The following EFS variants were observed in gnomAD, a reference collection of about 807,000 sequenced individuals.
The protein encoded by EFS is embryonal Fyn-associated substrate.
EFS carries 34 observed loss-of-function variants against 42.2 expected under a neutral mutation model. That is an observed-to-expected ratio of 0.81 (90% CI 0.61 to 1.07). The LOEUF is 1.07. EFS is among the 50% of genes least tolerant of loss of function. The pLI is 0.00. For missense variants in EFS, 717 were observed against 729.4 expected (o/e 0.98, Z 0.20); for synonymous variants, 299 against 320.7 (o/e 0.93, Z 0.72).
intron 1 of EFS, 135 bp from the exon 2 acceptor site, chr14:23,360,968 TG>T: frequency 1.1e-6 from 1 of 930,398 alleles, no homozygotes. Flanking sequence ...GCTTTCTGCC[TG>T]GGCCCTAGCT....
In EFS at chr14:23,365,160, G is replaced by T; in HGVS notation, c.-135C>A. The T allele has an allele frequency of 1.3e-6, 1 of 795,454 alleles. No individual in the cohort carries two copies. The allele number at this position is 795,454 out of a possible 1,614,324, so 49.3% of individuals were successfully genotyped here. A position where few individuals can be genotyped will look rare whatever the true frequency, so the allele number is the denominator to read the frequency against. On this transcript the variant is annotated 5_prime_UTR_variant, in exon 1 of 6. Transcript: ENST00000216733. This position sits in a 1 kb window ranked among gnomAD's most constrained non-coding sequence, Gnocchi z 5.3. ...TGAGTCGTGGCCTCCGCCAAGGTTG[G>T]AGGAGGAGAAAGAAAACCCACAAAA...
At position 23,365,051 on chromosome 14, in the gene EFS, C is replaced by G; in HGVS notation, c.-26G>C. Reference sequence around the variant, plus strand: ...GGCTTTGGCCTCCCGCGCAGCCTGCCTCAGGCCAGGCTCGGTTTTGCTGAC... The same window carrying G: ...GGCTTTGGCCTCCCGCGCAGCCTGCGTCAGGCCAGGCTCGGTTTTGCTGAC... On this transcript the variant is annotated 5_prime_UTR_variant, in exon 1 of 6. Transcript: ENST00000216733. The surrounding 1 kb of genome is among the most constrained non-coding windows in gnomAD (Gnocchi z 5.3). The G allele has an allele frequency of 7.6e-7, 1 of 1,311,996 alleles. No individual in the cohort carries two copies. The allele number at this position is 1,311,996 out of a possible 1,614,324, so 81.3% of individuals were successfully genotyped here.
intron 5 of EFS, among the ~76,000 whole-genome samples, chr14:23,358,361 G>T (rs1361180970): frequency 1.3e-5 from 2 of 152,260 alleles, no homozygotes; most frequent in Admixed American, 6.5e-5. Flanking sequence ...CACGTGCAGT[G>T]TGCCTAGCAC....
intron 5 of EFS, 86 bp from the exon 6 acceptor site, chr14:23,357,746 C>T (rs975813075): frequency 1.6e-6 from 2 of 1,212,536 alleles, no homozygotes; most frequent in Admixed American, 3.0e-5. Context: ...TCTCTTTCTT[C>T]CCAAGGGCGA....
In EFS at chr14:23,359,740, C is replaced by A. The variant is rs1260752178; in HGVS notation, c.738G>T (p.Gly246=). Residue 246 remains glycine (G), a synonymous_variant, in exon 4 of 6, where the codon GGG becomes GGT. Coordinates refer to ENST00000216733, the MANE Select transcript of EFS (RefSeq NM_005864.4). ...PEELLADGEG[G]GTDEGIYDVP... is the part of the protein sequence containing the mutation. ...CATCGTAGATCCCCTCATCAGTGCC[C>A]CCGCCCTCCCCGTCTGCCAGCAGTT... 6.6e-7 allele frequency: 1 copy of A among 1,516,044 alleles called. No individual in the cohort carries two copies. Among genetic ancestry groups the A allele is most frequent in the Non-Finnish European group, 8.8e-7 (1 of 1,133,928 alleles). 93.9% of individuals were successfully genotyped at this position (1,516,044 alleles called of 1,614,324 possible). A position where few individuals can be genotyped will look rare whatever the true frequency, so the allele number is the denominator to read the frequency against.
At position 23,359,730 on chromosome 14, in the gene EFS, C is replaced by G; in HGVS notation, c.748G>C (p.Glu250Gln). 1 of 1,518,500 alleles carries G rather than the reference C, an allele frequency of 6.6e-7. No homozygotes were observed. Among genetic ancestry groups the G allele is most frequent in the Non-Finnish European group, 8.8e-7 (1 of 1,135,044 alleles). The allele number at this position is 1,518,500 out of a possible 1,614,324, so 94.1% of individuals were successfully genotyped here. ...AGCAGAGGCACATCGTAGATCCCCTCATCAGTGCCCCCGCCCTCCCCGTCT... is the reference window on the plus strand; with the variant it reads ...AGCAGAGGCACATCGTAGATCCCCTGATCAGTGCCCCCGCCCTCCCCGTCT... ...LADGEGGGTDEGIYDVPLLGP... is the reference protein window; with the variant it reads ...LADGEGGGTDQGIYDVPLLGP... The change falls in exon 4 of 6, where the codon GAG becomes CAG. Residue 250 changes from glutamate to glutamine, a missense_variant. Physicochemically the swap from Glu to Gln is conservative, Grantham distance 29. Coordinates refer to ENST00000216733, the MANE Select transcript of EFS (RefSeq NM_005864.4).
In EFS at chr14:23,357,305, T is replaced by A; in HGVS notation, c.1607A>T (p.Gln536Leu). Reference protein sequence around the residue: ...ALGYPSSPAIQEMVQCVTELA... With the variant: ...ALGYPSSPAILEMVQCVTELA... ...TTCTGTTACACACTGCACCATCTCT[T>A]GGATGGCAGGGCTGGATGGGTAGCC... is the stretch of plus-strand genomic sequence containing the variant. The change falls in exon 6 of 6, where the codon CAA (glutamine) becomes CTA (leucine). Residue 536 changes from glutamine (Q) to leucine (L), a missense_variant. Gln to Leu is a moderately radical substitution (Grantham distance 113). Coordinates refer to ENST00000216733, the MANE Select transcript of EFS (RefSeq NM_005864.4). 7 of 1,610,106 alleles carry A rather than the reference T, an allele frequency of 4.3e-6. No homozygotes were observed. Among genetic ancestry groups the A allele is most frequent in the Non-Finnish European group, 5.9e-6 (7 of 1,176,976 alleles).
Position 23,365,166 on chromosome 14 carries a change from G to C in EFS, c.-141C>G. 1 of 753,226 alleles carries C rather than the reference G, an allele frequency of 1.3e-6. No individual in the cohort carries two copies. The highest frequency in any genetic ancestry group is 1.8e-6 in the Non-Finnish European group (1 of 542,606). 46.7% of individuals were successfully genotyped at this position (753,226 alleles called of 1,614,324 possible). Reference sequence around the variant, plus strand: ...GTGGCCTCCGCCAAGGTTGGAGGAGGAGAAAGAAAACCCACAAAACTTCCC... The same window carrying C: ...GTGGCCTCCGCCAAGGTTGGAGGAGCAGAAAGAAAACCCACAAAACTTCCC... On this transcript the variant is annotated 5_prime_UTR_variant, in exon 1 of 6. Transcript: ENST00000216733. This position sits in a 1 kb window ranked among gnomAD's most constrained non-coding sequence, Gnocchi z 5.3.
rs762621678 is a variant in EFS, at chr14:23,357,370, T to C, written c.1542A>G (p.Ala514=). ...TGACAGCCAGCACAGTGGCCCGCAA[T>C]GCCTGGCCCAGTGCTGTACCTGCAG... The part of the protein sequence containing the change: ...VRAAGTALGQ[A]LRATVLAVKG... Residue 514 remains alanine, a synonymous_variant, in exon 6 of 6, where the codon GCA becomes GCG. Coordinates refer to ENST00000216733, the MANE Select transcript of EFS (RefSeq NM_005864.4). The C allele has an allele frequency of 6.2e-7, 1 of 1,610,710 alleles. No individual in the cohort carries two copies. The highest frequency in any genetic ancestry group is 2.2e-5 in the East Asian group (1 of 44,770).
At position 23,358,882 on chromosome 14, in the gene EFS, C is replaced by G. The variant is rs746664828; in HGVS notation, c.1245G>C (p.Ala415=). The G allele has an allele frequency of 6.2e-7, 1 of 1,610,940 alleles. No individual in the cohort carries two copies. The change falls in exon 5 of 6, where the codon GCG becomes GCC. Residue 415 remains alanine (A), a synonymous_variant. Coordinates refer to ENST00000216733, the MANE Select transcript of EFS (RefSeq NM_005864.4). ...CCATTCCCGCCAGGGTCACCTGCGG[C>G]GCCGGCATCCCCCTCTCGGGCAGTT... is the stretch of plus-strand genomic sequence containing the variant. ...DPELPERGMP[A]PQEALSPGEP...
Position 23,360,758 on chromosome 14 carries a change from G to A in EFS, c.94C>T (p.Leu32=). Residue 32 remains leucine, a synonymous_variant, in exon 2 of 6, where the codon CTA becomes TTA. Transcript: ENST00000216733. ...QELSFRRGDV[L]RVLQREGAGG... ...GCGCCCTCTCTCTGCAGGACCCGTAGGACATCCCCTCGGCGGAAGGACAGC... is the reference window on the plus strand; with the variant it reads ...GCGCCCTCTCTCTGCAGGACCCGTAAGACATCCCCTCGGCGGAAGGACAGC... 1 of 1,614,074 alleles carries A rather than the reference G, an allele frequency of 6.2e-7. No homozygotes were observed. The highest frequency in any genetic ancestry group is 8.5e-7 in the Non-Finnish European group (1 of 1,179,982).
In EFS at chr14:23,360,021, TG is replaced by T; in HGVS notation, c.456del (p.Thr153ProfsTer21). On this transcript the variant is annotated frameshift_variant, in exon 4 of 6. Coordinates refer to ENST00000216733, the MANE Select transcript of EFS (RefSeq NM_005864.4). LOFTEE classifies it high-confidence loss of function. ...CCACTGGAGGGCACCCGGAGGGCGG[TG>T]GGGGGCACATCGTAGACCTGCGGAA... Reference protein sequence around the residue: ...RDALEVYDVPPTALRVPSSGP... With the variant: ...RDALEVYDVPXTALRVPSSGP... 6.2e-7 allele frequency: 1 copy of T among 1,609,764 alleles called. No homozygotes were observed. The highest frequency in any genetic ancestry group is 8.5e-7 in the Non-Finnish European group (1 of 1,178,272).
In EFS at chr14:23,359,450, C is replaced by T. The variant is rs753502762; in HGVS notation, c.1028G>A (p.Arg343His). 34 of 515,892 alleles carry T rather than the reference C, an allele frequency of 6.6e-5. No homozygotes were observed. The highest frequency in any genetic ancestry group is 7.4e-4 in the Middle Eastern group (2 of 2,718). 32.0% of individuals were successfully genotyped at this position (515,892 alleles called of 1,614,324 possible). The change falls in exon 4 of 6, where the codon CGC becomes CAC. Residue 343 changes from arginine to histidine, a missense_variant. Transcript: ENST00000216733. ...CTTGGGGCCTCCATAACCAGGCAGG[C>T]GGGGTGGGGGTGGGGGCAGAGGCCG... ...QDRPLPPPPP[R>H]LPGYGGPKVE...
At chr14:23,363,014 C>T (rs1439303251) in intron 1 of EFS, among the ~76,000 whole-genome samples, 3 of 151,420 alleles carry the variant, frequency 2.0e-5, no homozygotes, top group East Asian at 1.9e-4. Flanking sequence ...CCCGGGTTCA[C>T]GCCATTCTCC....
chr14:23,358,007 A>C (rs1030072309), intron 5 of EFS, among the ~76,000 whole-genome samples: 1 of 152,258 alleles, frequency 6.6e-6, no homozygotes, highest in Non-Finnish European at 1.5e-5. Context: ...TGGTTAAAAA[A>C]AAAACAAAAC....
rs1479796537 is a variant in EFS, at chr14:23,357,056, A to C, written c.*170T>G. On this transcript the variant is annotated 3_prime_UTR_variant, in exon 6 of 6. Coordinates refer to ENST00000216733, the MANE Select transcript of EFS (RefSeq NM_005864.4). The stretch of plus-strand genomic sequence containing the variant: ...CAAAATGGCTTGTACAAAAAGCTGT[A>C]GGTTAGGGGGAGAAGACACCTCTGT... 2.0e-6 allele frequency: 1 copy of C among 488,886 alleles called. No homozygotes were observed. The highest frequency in any genetic ancestry group is 3.4e-6 in the Non-Finnish European group (1 of 290,310). 30.3% of individuals were successfully genotyped at this position (488,886 alleles called of 1,614,324 possible). A position where few individuals can be genotyped will look rare whatever the true frequency, so the allele number is the denominator to read the frequency against.
At position 23,356,939 on chromosome 14, in the gene EFS, TGAG is replaced by T. The variant is rs2138529609; in HGVS notation, c.*284_*286del. 3.9e-6 allele frequency: 1 copy of T among 258,426 alleles called. No individual in the cohort carries two copies. Among genetic ancestry groups the T allele is most frequent in the East Asian group, 7.0e-5 (1 of 14,330 alleles). The allele number at this position is 258,426 out of a possible 1,614,324, so 16.0% of individuals were successfully genotyped here. On this transcript the variant is annotated 3_prime_UTR_variant, in exon 6 of 6. Coordinates refer to ENST00000216733, the MANE Select transcript of EFS (RefSeq NM_005864.4). Reference sequence around the variant, plus strand: ...TAGTGCAGTGACCTCCACCCTAGGCTGAGGAGAGAAGGATCTAGTTCCTCACTG... The same window carrying T: ...TAGTGCAGTGACCTCCACCCTAGGCTGAGAGAAGGATCTAGTTCCTCACTG...
chr14:23,363,819 A>G (rs1256604918), intron 1 of EFS, among the ~76,000 whole-genome samples: 1 of 152,050 alleles, frequency 6.6e-6, no homozygotes, highest in Non-Finnish European at 1.5e-5. Context: ...TTGTAGTCCC[A>G]GCTACTCAAG....
Position 23,357,532 on chromosome 14 carries a change from A to G in EFS, c.1380T>C (p.Ser460=). Residue 460 remains serine, a synonymous_variant, in exon 6 of 6, where the codon AGT becomes AGC. Transcript: ENST00000216733. ...GGCGCGGGGGCTGATTAGCCTGGGTACTGGACATCAGGGCTGCCACGGCTG... is the reference window on the plus strand; with the variant it reads ...GGCGCGGGGGCTGATTAGCCTGGGTGCTGGACATCAGGGCTGCCACGGCTG... ...LQAAVAALMS[S]TQANQPPRLF... The G allele has an allele frequency of 6.2e-7, 1 of 1,613,418 alleles. No individual in the cohort carries two copies. The highest frequency in any genetic ancestry group is 8.5e-7 in the Non-Finnish European group (1 of 1,179,646).
Sources: allele counts gnomAD v4.1 joint callset (sites outside exome capture counted in the v4.1 genomes callset), GRCh38; gene constraint gnomAD v4.1.1; non-coding constraint Gnocchi (gnomAD v3.1); transcripts MANE v1.5; gene names NCBI Gene and HGNC (gene_info 2026-07-23, HGNC 2026-07-21).